Variants in COL7A1 observed in about 807,000 individuals in gnomAD.
COL7A1 encodes collagen alpha-1(VII) chain.
COL7A1 carries 296 observed loss-of-function variants against 456.2 expected under a neutral mutation model. The observed-to-expected ratio is 0.65, with a 90% CI of 0.59 to 0.71. The LOEUF (loss-of-function observed/expected upper bound fraction) is 0.71, where lower values mean the gene tolerates loss of function less well. Among genes scored for constraint, COL7A1 ranks in the 30% least tolerant of loss-of-function variants. The pLI, the probability that COL7A1 is intolerant of heterozygous loss-of-function variation, is 0.00. For missense variants in COL7A1, 3,441 were observed against 4,017.2 expected, an observed-to-expected ratio of 0.86 and a Z score of 3.88; for synonymous variants, 1,464 against 1,525.9, an observed-to-expected ratio of 0.96 and a Z score of 0.95.
chr3:48,590,799 C>A lies in COL7A1; in HGVS notation c.1654G>T (p.Val552Leu), dbSNP rs1291519765. 1.9e-6 allele frequency: 3 copies of A among 1,613,626 alleles called. No individual in the cohort carries two copies. The highest frequency in any genetic ancestry group is 2.5e-6 in the Non-Finnish European group (3 of 1,180,008). The change falls in exon 14 of 119, where the codon GTG (valine) becomes TTG (leucine). Residue 552 changes from valine to leucine, a missense_variant. Around this residue, in one of 3 missense-constraint regions of COL7A1, gnomAD observed 913 missense variants for 1,088.2 expected, o/e 0.84. Coordinates refer to ENST00000681320, the MANE Select transcript of COL7A1 (RefSeq NM_000094.4). This position sits in a 1 kb window ranked among gnomAD's most constrained non-coding sequence, Gnocchi z 4.6. ...AATGCTGTCTGACTCCCAGGAAGCA[C>A]CAGGGTCCGCTCAACCCCTAAGAGA... is the stretch of plus-strand genomic sequence containing the variant. The part of the protein sequence containing the change: ...RSTQGVERTL[V>L]LPGSQTAFDL...
Position 48,585,162 on chromosome 3 carries a change from G to T in COL7A1, c.3895-46C>A, listed in dbSNP as rs1560246371. Reference sequence around the variant, plus strand: ...GGACAGGAAGGGACCCTCCCCCAAGGCCCCTGGTTTGCTGGAGGGGCCTCA... The same window carrying T: ...GGACAGGAAGGGACCCTCCCCCAAGTCCCCTGGTTTGCTGGAGGGGCCTCA... On this transcript the variant is annotated intron_variant, in intron 32 of 118. Transcript: ENST00000681320. This position sits in a 1 kb window ranked among gnomAD's most constrained non-coding sequence, Gnocchi z 4.5. 1.3e-6 allele frequency: 2 copies of T among 1,594,036 alleles called. No homozygotes were observed. The highest frequency in any genetic ancestry group is 1.7e-6 in the Non-Finnish European group (2 of 1,169,184).
rs371141853 is a variant in COL7A1, at chr3:48,587,854, C to G, written c.2796G>C (p.Val932=). ...DGLEPATQYR[V]RLSVLGPAGE... is the part of the protein sequence containing the mutation. ...CAGCTGGCCCTAGGACACTCAGCCT[C>G]ACGCGGTACTGTGTCGCTGGCTCCA... The change falls in exon 22 of 119, where the codon GTG becomes GTC. Residue 932 remains valine (V), a synonymous_variant. Transcript: ENST00000681320. The surrounding 1 kb of genome is among the most constrained non-coding windows in gnomAD (Gnocchi z 6.1). The G allele has an allele frequency of 1.0e-4, 167 of 1,613,292 alleles. No homozygotes were observed. Among genetic ancestry groups the G allele is most frequent in the Non-Finnish European group, 1.3e-4 (155 of 1,179,900 alleles).
chr3:48,569,764 T>G lies in COL7A1; in HGVS notation c.7522-4A>C, dbSNP rs138605618. The stretch of plus-strand genomic sequence containing the variant: ...GTCCTGCACTCCCAACATCACCCTA[T>G]TGGGCAAAAGAGTGTGAGTCCCGCC... On this transcript the variant is annotated splice_region_variant and splice_polypyrimidine_tract_variant and intron_variant, in intron 100 of 118. Transcript: ENST00000681320. This position sits in a 1 kb window ranked among gnomAD's most constrained non-coding sequence, Gnocchi z 4.9. 1 of 1,614,134 alleles carries G rather than the reference T, an allele frequency of 6.2e-7. No homozygotes were observed. Among genetic ancestry groups the G allele is most frequent in the East Asian group, 2.2e-5 (1 of 44,866 alleles).
chr3:48,570,574 C>A lies in COL7A1; in HGVS notation c.7344+65G>T. On this transcript the variant is annotated intron_variant, in intron 96 of 118. Transcript: ENST00000681320. The surrounding 1 kb of genome is among the most constrained non-coding windows in gnomAD (Gnocchi z 5.5). ...CCCAACACCCCACAGTGTGGCCCGC[C>A]CCATCCTAAGTCCTCACGAGGACAG... The A allele has an allele frequency of 6.2e-7, 1 of 1,613,522 alleles. No homozygotes were observed.
In COL7A1 at chr3:48,579,521, G is replaced by T. The variant is rs1206847278; in HGVS notation, c.5236-6C>A. On this transcript the variant is annotated splice_polypyrimidine_tract_variant and splice_region_variant and intron_variant, in intron 59 of 118. Coordinates refer to ENST00000681320, the MANE Select transcript of COL7A1 (RefSeq NM_000094.4). The surrounding 1 kb of genome is among the most constrained non-coding windows in gnomAD (Gnocchi z 4.4). Reference sequence around the variant, plus strand: ...CCCCGAAACCCTTCAATGCCCTGAGGATAGGGGAGGAAGAAATCAGAGCAG... The same window carrying T: ...CCCCGAAACCCTTCAATGCCCTGAGTATAGGGGAGGAAGAAATCAGAGCAG... The T allele has an allele frequency of 6.2e-7, 1 of 1,613,864 alleles. No homozygotes were observed. Among genetic ancestry groups the T allele is most frequent in the East Asian group, 2.2e-5 (1 of 44,870 alleles).
Position 48,569,738 on chromosome 3 carries a change from A to G in COL7A1, c.7544T>C (p.Leu2515Pro). The G allele has an allele frequency of 6.2e-7, 1 of 1,614,100 alleles. No individual in the cohort carries two copies. The highest frequency in any genetic ancestry group is 8.5e-7 in the Non-Finnish European group (1 of 1,179,982). Residue 2515 changes from leucine (L) to proline (P), a missense_variant, in exon 101 of 119, where the codon CTA becomes CCA. Around this residue, in one of 3 missense-constraint regions of COL7A1, gnomAD observed 2,084 missense variants for 2,501.3 expected, o/e 0.83. Transcript: ENST00000681320. The surrounding 1 kb of genome is among the most constrained non-coding windows in gnomAD (Gnocchi z 4.9). ...GEKGDVGSAG[L>P]KGDKGDSAVI... ...GCCCACACTCACCTTGTCACCCTTT[A>G]GTCCTGCACTCCCAACATCACCCTA... is the stretch of plus-strand genomic sequence containing the variant.
rs2043942634 is a variant in COL7A1 at position 48,571,873 on chromosome 3, C to T, written c.7068+128G>A. The T allele has an allele frequency of 7.0e-6, 8 of 1,138,608 alleles. No homozygotes were observed. Among genetic ancestry groups the T allele is most frequent in the Admixed American group, 2.0e-5 (1 of 49,702 alleles). 70.5% of individuals were successfully genotyped at this position (1,138,608 alleles called of 1,614,324 possible). A position where few individuals can be genotyped will look rare whatever the true frequency, so the allele number is the denominator to read the frequency against. On this transcript the variant is annotated intron_variant, in intron 92 of 118. Coordinates refer to ENST00000681320, the MANE Select transcript of COL7A1 (RefSeq NM_000094.4). This position sits in a 1 kb window ranked among gnomAD's most constrained non-coding sequence, Gnocchi z 4.6. ...GGCTCCCTGTGATCCAGAGAGCAGG[C>T]TCCTGGATGTTGGGACATGCAGCCC...
In COL7A1 at chr3:48,569,590, A is replaced by C. The variant is rs2043782891; in HGVS notation, c.7614+2T>G. 6.2e-7 allele frequency: 1 copy of C among 1,613,366 alleles called. No homozygotes were observed. The highest frequency in any genetic ancestry group is 8.5e-7 in the Non-Finnish European group (1 of 1,179,736). On this transcript the variant is annotated splice_donor_variant, in intron 102 of 118. Transcript: ENST00000681320. LOFTEE classifies it high-confidence loss of function. The surrounding 1 kb of genome is among the most constrained non-coding windows in gnomAD (Gnocchi z 4.9). ...ACCCAGTCCACACGTGGGCCCACTC[A>C]CCATGTCCCCCTTGGCACCCCGTGG...
Position 48,590,801 on chromosome 3 carries a change from AG to A in COL7A1, c.1651del (p.Leu551TrpfsTer64). The A allele has an allele frequency of 6.2e-7, 1 of 1,613,630 alleles. No homozygotes were observed. Among genetic ancestry groups the A allele is most frequent in the Non-Finnish European group, 8.5e-7 (1 of 1,180,010 alleles). ...VRSTQGVERTLVLPGSQTAFD... is the reference protein window; with the variant it reads ...VRSTQGVERTXVLPGSQTAFD... ...TGCTGTCTGACTCCCAGGAAGCACC[AG>A]GGTCCGCTCAACCCCTAAGAGAGAA... On this transcript the variant is annotated frameshift_variant, in exon 14 of 119. Transcript: ENST00000681320. LOFTEE classifies it high-confidence loss of function. The surrounding 1 kb of genome is among the most constrained non-coding windows in gnomAD (Gnocchi z 4.6).
At position 48,585,823 on chromosome 3, in the gene COL7A1, C is replaced by G; in HGVS notation, c.3786+7G>C. 1.2e-6 allele frequency: 2 copies of G among 1,614,118 alleles called. No homozygotes were observed. Among genetic ancestry groups the G allele is most frequent in the Non-Finnish European group, 1.7e-6 (2 of 1,180,018 alleles). ...ATTCTCTATTCCCCGCCCGCAGGGG[C>G]ACTCACCATCTCTCCAGGTTCCCCC... On this transcript the variant is annotated splice_region_variant and intron_variant, in intron 30 of 118. Coordinates refer to ENST00000681320, the MANE Select transcript of COL7A1 (RefSeq NM_000094.4). The surrounding 1 kb of genome is among the most constrained non-coding windows in gnomAD (Gnocchi z 4.5).
chr3:48,573,167 C>CA lies in COL7A1; in HGVS notation c.6714+6dup, dbSNP rs778073185. The CA allele has an allele frequency of 1.9e-6, 3 of 1,614,066 alleles. No individual in the cohort carries two copies. In the Admixed American group the frequency reaches 5.0e-5, roughly 27 times the overall value. On this transcript the variant is annotated splice_region_variant and intron_variant, in intron 85 of 118. Transcript: ENST00000681320. The surrounding 1 kb of genome is among the most constrained non-coding windows in gnomAD (Gnocchi z 5.5). ...TGTCCCTACAGGGGCCACAGGGACT[C>CA]ACTCACCACAAGGCCTGAAGGGCCG...
chr3:48,578,223 T>C lies in COL7A1; in HGVS notation c.5532+98A>G. 2.2e-6 allele frequency: 3 copies of C among 1,385,160 alleles called. No homozygotes were observed. The highest frequency in any genetic ancestry group is 1.2e-5 in the South Asian group (1 of 84,008). 85.8% of individuals were successfully genotyped at this position (1,385,160 alleles called of 1,614,324 possible). On this transcript the variant is annotated intron_variant, in intron 65 of 118. Transcript: ENST00000681320. This position sits in a 1 kb window ranked among gnomAD's most constrained non-coding sequence, Gnocchi z 4.7. ...GTATGTCTGGGCCAGGATGCATGTGTCTACACGTGTGCCTCATGTGTTGCT... is the reference window on the plus strand; with the variant it reads ...GTATGTCTGGGCCAGGATGCATGTGCCTACACGTGTGCCTCATGTGTTGCT...
chr3:48,585,484 C>T lies in COL7A1; in HGVS notation c.3894+73G>A, dbSNP rs111582283. ...CCGATGATTCTAACTCTGCTTCTTCCTTCTCTCTTGTAAAAACCCCGAGAC... is the reference window on the plus strand; with the variant it reads ...CCGATGATTCTAACTCTGCTTCTTCTTTCTCTCTTGTAAAAACCCCGAGAC... On this transcript the variant is annotated intron_variant, in intron 32 of 118. Coordinates refer to ENST00000681320, the MANE Select transcript of COL7A1 (RefSeq NM_000094.4). The surrounding 1 kb of genome is among the most constrained non-coding windows in gnomAD (Gnocchi z 4.5). 39 of 1,515,816 alleles carry T rather than the reference C, an allele frequency of 2.6e-5. No individual in the cohort carries two copies. In the African/African-American group the frequency reaches 2.6e-4, roughly 10 times the overall value. The allele number at this position is 1,515,816 out of a possible 1,614,324, so 93.9% of individuals were successfully genotyped here.
chr3:48,582,697 G>A (rs774109790), intron 44 of COL7A1, 44 bp from the exon 45 acceptor site: 1 of 1,607,024 alleles, frequency 6.2e-7, no homozygotes, highest in Non-Finnish European at 8.5e-7. Flanking sequence ...GGTGGGGACG[G>A]GGGATATGGA....
At position 48,584,760 on chromosome 3, in the gene COL7A1, C is replaced by G; in HGVS notation, c.4021G>C (p.Gly1341Arg). The G allele has an allele frequency of 6.2e-7, 1 of 1,614,024 alleles. No homozygotes were observed. The highest frequency in any genetic ancestry group is 1.1e-5 in the South Asian group (1 of 91,086). The change falls in exon 35 of 119, where the codon GGA (glycine) becomes CGA (arginine). Residue 1341 changes from glycine (G) to arginine (R), a missense_variant. Around this residue, in one of 3 missense-constraint regions of COL7A1, gnomAD observed 2,084 missense variants for 2,501.3 expected, o/e 0.83. Transcript: ENST00000681320. Reference protein sequence around the residue: ...PGPRGDPGERGPRGPKGEPGA... With the variant: ...PGPRGDPGERRPRGPKGEPGA... ...GGCTCCCCCTTTGGGCCTCGAGGTC[C>G]TCGCTCTCCCTGAGGACGAAACAGA...
chr3:48,571,093 T>G lies in COL7A1; in HGVS notation c.7164+8A>C. 1 of 1,613,792 alleles carries G rather than the reference T, an allele frequency of 6.2e-7. No individual in the cohort carries two copies. Among genetic ancestry groups the G allele is most frequent in the South Asian group, 1.1e-5 (1 of 91,080 alleles). On this transcript the variant is annotated splice_region_variant and intron_variant, in intron 94 of 118. Transcript: ENST00000681320. This position sits in a 1 kb window ranked among gnomAD's most constrained non-coding sequence, Gnocchi z 4.6. ...GCCCCTACAACTGGTGATGGGGCATTGACTTACCTTCACACCTGGAGGGCC... is the reference window on the plus strand; with the variant it reads ...GCCCCTACAACTGGTGATGGGGCATGGACTTACCTTCACACCTGGAGGGCC...
rs2043653644 is a variant in COL7A1 at position 48,567,375 on chromosome 3, C to T, written c.8047-185G>A. 2 of 900,178 alleles carry T rather than the reference C, an allele frequency of 2.2e-6. No homozygotes were observed. Among genetic ancestry groups the T allele is most frequent in the African/African-American group, 1.6e-5 (1 of 60,650 alleles). The allele number at this position is 900,178 out of a possible 1,614,324, so 55.8% of individuals were successfully genotyped here. A position where few individuals can be genotyped will look rare whatever the true frequency, so the allele number is the denominator to read the frequency against. On this transcript the variant is annotated intron_variant, in intron 109 of 118. Transcript: ENST00000681320. This position sits in a 1 kb window ranked among gnomAD's most constrained non-coding sequence, Gnocchi z 4.3. ...ATAGCCCCCTGCCCTGATGCACATG[C>T]CCCCTCCACCTCCCATGCTTTCATC... is the stretch of plus-strand genomic sequence containing the variant.
intron 65 of COL7A1, among the ~76,000 whole-genome samples, chr3:48,577,307 C>T (rs188823379): frequency 9.5e-4 from 144 of 152,332 alleles, no homozygotes; most frequent in South Asian, 5.4e-3. Context: ...GGTTGGTGAT[C>T]GTCCACATGT....
At chr3:48,582,791 G>T in intron 44 of COL7A1, 138 bp from the exon 45 acceptor site, 1 of 1,142,644 alleles carries the variant, frequency 8.8e-7, no homozygotes, top group Non-Finnish European at 1.3e-6. Context: ...AGACTTGGCA[G>T]GAGAACAGAG....
Sources: gnomAD v4.1 joint callset for allele counts (sites outside exome capture counted in the v4.1 genomes callset) on GRCh38, gnomAD v4.1.1 for gene constraint, gnomAD v4.1.1 regional missense constraint, Gnocchi (gnomAD v3.1) non-coding constraint, MANE v1.5 for transcripts, NCBI Gene and HGNC (gene_info 2026-07-23, HGNC 2026-07-21) for gene names.